The following NAMPT variants were observed in gnomAD, a reference collection of about 807,000 sequenced individuals.
NAMPT encodes the protein NAmPRTase.
NAMPT carries 7 observed loss-of-function variants against 58.7 expected under a neutral mutation model. That is an observed-to-expected ratio of 0.12 (90% CI 0.07 to 0.22). The LOEUF is 0.22. Ranked by LOEUF, NAMPT falls within the 10% of genes least tolerant of loss-of-function variation. NAMPT has a pLI of 1.00. For synonymous variants in NAMPT, 145 were observed against 198.1 expected, an observed-to-expected ratio of 0.73 and a Z score of 2.25; for missense variants, 271 against 567.9, an observed-to-expected ratio of 0.48 and a Z score of 5.31.
At chr7:106,284,479 A>G (rs1586031574) in intron 1 of NAMPT, 1 of 152,678 alleles carries the variant, frequency 6.5e-6, no homozygotes, top group East Asian at 1.9e-4. Flanking sequence ...AGGGAAGGGC[A>G]TGCGCTCGCC....
chr7:106,259,136 C>T (rs1586013981), intron 8 of NAMPT, among the ~76,000 whole-genome samples: 1 of 152,206 alleles, frequency 6.6e-6, no homozygotes, highest in East Asian at 1.9e-4. Context: ...CTTTCTGTAT[C>T]CACCCATATG....
intron 8 of NAMPT, among the ~76,000 whole-genome samples, chr7:106,257,098 T>C (rs1207530879): frequency 3.3e-5 from 5 of 151,522 alleles, no homozygotes; most frequent in Non-Finnish European, 7.4e-5. Flanking sequence ...GAGCTGAGAT[T>C]GTGCCACTGC....
At chr7:106,284,704 C>T in intron 1 of NAMPT, 124 bp downstream of exon 1, 1 of 1,088,928 alleles carries the variant, frequency 9.2e-7, no homozygotes, top group Non-Finnish European at 1.1e-6. Flanking sequence ...CCGGGCCTCC[C>T]CGCGCCGCGA....
chr7:106,259,786 C>T (rs1016254034), intron 8 of NAMPT, among the ~76,000 whole-genome samples: 1 of 151,888 alleles, frequency 6.6e-6, no homozygotes, highest in African/African-American at 2.4e-5. Context: ...GTCGAACGGA[C>T]GTTGTGTTAG....
chr7:106,279,555 A>G (rs975590359), intron 1 of NAMPT, among the ~76,000 whole-genome samples: 3 of 152,224 alleles, frequency 2.0e-5, no homozygotes, highest in Admixed American at 1.3e-4. Flanking sequence ...TGTCCTCTTC[A>G]TTTTACTTTC....
Position 106,248,602 on chromosome 7 carries a change from T to C in NAMPT, c.*2481A>G, listed in dbSNP as rs555232320. On this transcript the variant is annotated 3_prime_UTR_variant, in exon 11 of 11. Transcript: ENST00000222553. ...CATAAAAAACATTTTACTTTAATTATAGGGTACAAATAAGAGTCTTAACAC... is the reference window on the plus strand; with the variant it reads ...CATAAAAAACATTTTACTTTAATTACAGGGTACAAATAAGAGTCTTAACAC... 9.6e-4 allele frequency: 146 copies of C among 152,244 alleles called. 1 individual carries two copies. Among genetic ancestry groups the C allele is most frequent in the African/African-American group, 2.9e-3 (119 of 41,554 alleles). 9.4% of individuals were successfully genotyped at this position (152,244 alleles called of 1,614,324 possible).
chr7:106,285,747 C>A (rs1475605665), upstream of NAMPT: 6 of 222,774 alleles, frequency 2.7e-5, no homozygotes, highest in East Asian at 3.7e-4. Context: ...GATGGTTTGA[C>A]TTTTCCCGAG....
At chr7:106,261,461 A>C in intron 8 of NAMPT, 127 bp downstream of exon 8, 3 of 765,090 alleles carry the variant, frequency 3.9e-6, no homozygotes, top group Non-Finnish European at 6.1e-6. Flanking sequence ...AGCAATGCAC[A>C]GAGATTTATA....
chr7:106,251,299 T>C, intron 10 of NAMPT, 106 bp from the exon 11 acceptor site: 3 of 719,930 alleles, frequency 4.2e-6, no homozygotes, highest in South Asian at 1.6e-5. Flanking sequence ...GAGATGCCAA[T>C]GGTGTTCAAA....
intron 6 of NAMPT, 71 bp from the exon 7 acceptor site, chr7:106,263,688 A>G (rs1201159649): frequency 3.5e-6 from 4 of 1,153,988 alleles, no homozygotes; most frequent in East Asian, 2.3e-5. Flanking sequence ...ACCTTTAATC[A>G]TATCTCATGT....
intron 1 of NAMPT, among the ~76,000 whole-genome samples, chr7:106,281,744 T>C (rs1792769840): frequency 6.6e-6 from 1 of 152,188 alleles, no homozygotes; most frequent in South Asian, 2.1e-4. Context: ...CTCATAAACA[T>C]GACTTAAGGA....
rs1792090202 is a variant in NAMPT, at chr7:106,250,566, G to A, written c.*517C>T. The A allele has an allele frequency of 6.5e-6, 1 of 153,738 alleles. No homozygotes were observed. The highest frequency in any genetic ancestry group is 2.4e-5 in the African/African-American group (1 of 41,360). The allele number at this position is 153,738 out of a possible 1,614,324, so 9.5% of individuals were successfully genotyped here. A position where few individuals can be genotyped will look rare whatever the true frequency, so the allele number is the denominator to read the frequency against. ...ACACAAACAACTTTGTTAAGGCCAT[G>A]TTTTATTTGCTGATTAATGGACAAA... On this transcript the variant is annotated 3_prime_UTR_variant, in exon 11 of 11. Coordinates refer to ENST00000222553, the MANE Select transcript of NAMPT (RefSeq NM_005746.3).
intron 7 of NAMPT, among the ~76,000 whole-genome samples, chr7:106,262,648 G>A (rs1488734437): frequency 6.6e-6 from 1 of 151,554 alleles, no homozygotes; most frequent in Admixed American, 6.6e-5. Context: ...CAAGTAGCAA[G>A]GCTGCAGCCA....
At chr7:106,265,472 TC>T (rs1792392185) in intron 6 of NAMPT, among the ~76,000 whole-genome samples, 1 of 151,798 alleles carries the variant, frequency 6.6e-6, no homozygotes, top group Admixed American at 6.6e-5. Flanking sequence ...GTGCTCTCCT[TC>T]TTTAATCTAA....
chr7:106,285,815 A>T (rs1411238501), upstream of NAMPT: 2 of 153,276 alleles, frequency 1.3e-5, no homozygotes, highest in African/African-American at 2.4e-5. Flanking sequence ...TAATGAGGGG[A>T]CAAGACCTAA....
chr7:106,270,737 T>C (rs1269427474), intron 4 of NAMPT, among the ~76,000 whole-genome samples: 1 of 152,216 alleles, frequency 6.6e-6, no homozygotes, highest in Admixed American at 6.5e-5. Context: ...CTATCTGACC[T>C]GAGGCCCCAG....
intron 4 of NAMPT, among the ~76,000 whole-genome samples, chr7:106,271,016 T>C (rs1792520919): frequency 6.6e-6 from 1 of 152,208 alleles, no homozygotes; most frequent in African/African-American, 2.4e-5. Flanking sequence ...CCAATGCCCA[T>C]GATTATCCTA....
chr7:106,281,304 T>C (rs2115839424), intron 1 of NAMPT, among the ~76,000 whole-genome samples: 1 of 152,226 alleles, frequency 6.6e-6, no homozygotes, highest in East Asian at 1.9e-4. Context: ...TCTAGATGCT[T>C]CTCTAGATGT....
chr7:106,284,697 G>C, intron 1 of NAMPT, 131 bp downstream of exon 1: 1 of 1,063,298 alleles, frequency 9.4e-7, no homozygotes, highest in Non-Finnish European at 1.2e-6. Flanking sequence ...GCCTCCCCCG[G>C]GCCTCCCCGC....
Sources: allele counts gnomAD v4.1 joint callset (sites outside exome capture counted in the v4.1 genomes callset), GRCh38; gene constraint gnomAD v4.1.1; transcripts MANE v1.5; gene names NCBI Gene and HGNC (gene_info 2026-07-23, HGNC 2026-07-21).